CEP70: variants seen among roughly 807,000 people sequenced by gnomAD.
CEP70 encodes the protein centrosomal protein 70.
Under a neutral mutation model 90.9 loss-of-function variants are expected in CEP70, and 70 were observed. The ratio of observed to expected loss-of-function variants is 0.77; its 90% CI spans 0.64 to 0.94. The LOEUF (loss-of-function observed/expected upper bound fraction) is 0.94, where lower values mean the gene tolerates loss of function less well. Ranked by LOEUF, CEP70 falls within the 40% of genes least tolerant of loss-of-function variation. The probability of loss-of-function intolerance (pLI) is 0.00; values close to 1 mark genes in which losing one functional copy is unlikely to be tolerated. For synonymous variants in CEP70, 220 were observed against 228.3 expected (o/e 0.96, Z 0.33); for missense variants, 648 against 669.0 (o/e 0.97, Z 0.35).
At position 138,500,764 on chromosome 3, in the gene CEP70, T is replaced by C; in HGVS notation, c.1339A>G (p.Met447Val). The change falls in exon 14 of 18, where the codon ATG becomes GTG. Residue 447 changes from methionine (M) to valine (V), a missense_variant. Coordinates refer to ENST00000264982, the MANE Select transcript of CEP70 (RefSeq NM_024491.4). ...TCCTTATTTTCAACTTCTTCCAGCA[T>C]AGTATCTACTATAAACAACAAATCT... ...VEDLLFIVDT[M>V]LEEVENKEKD... 1 of 1,602,214 alleles carries C rather than the reference T, an allele frequency of 6.2e-7. No individual in the cohort carries two copies. The highest frequency in any genetic ancestry group is 8.5e-7 in the Non-Finnish European group (1 of 1,174,850).
chr3:138,559,830 T>A (rs1459653720), intron 6 of CEP70, among the ~76,000 whole-genome samples: 1 of 152,222 alleles, frequency 6.6e-6, no homozygotes, highest in Non-Finnish European at 1.5e-5. Context: ...ACAATTGAAT[T>A]CTCAGCAGAA....
chr3:138,554,239 A>G (rs1203164551), intron 6 of CEP70, among the ~76,000 whole-genome samples: 2 of 152,074 alleles, frequency 1.3e-5, no homozygotes, highest in Non-Finnish European at 2.9e-5. Flanking sequence ...TGTCATTAGA[A>G]CCCTCAGCAG....
chr3:138,557,335 C>T (rs939957483), intron 6 of CEP70, among the ~76,000 whole-genome samples: 16 of 152,016 alleles, frequency 1.1e-4, no homozygotes, highest in East Asian at 3.9e-4. Context: ...GTGCAGTTAA[C>T]GCAATCATCA....
chr3:138,539,004 CT>C (rs1313645831), intron 6 of CEP70, among the ~76,000 whole-genome samples: 1 of 152,068 alleles, frequency 6.6e-6, no homozygotes, highest in African/African-American at 2.4e-5. Context: ...TGTTAAATCT[CT>C]TTTATCATTG....
At chr3:138,582,586 A>G (rs2041920895) in intron 2 of CEP70, among the ~76,000 whole-genome samples, 1 of 151,886 alleles carries the variant, frequency 6.6e-6, no homozygotes, top group Admixed American at 6.6e-5. Flanking sequence ...CCTGGCCAAC[A>G]TAGTGAAACC....
chr3:138,553,662 C>CA (rs1193990270), intron 6 of CEP70, among the ~76,000 whole-genome samples: 9 of 151,726 alleles, frequency 5.9e-5, no homozygotes, highest in African/African-American at 1.9e-4. Context: ...AAAGATATAA[C>CA]AAAAAAAGAA....
chr3:138,591,146 CTT>C (rs35991265), intron 2 of CEP70, among the ~76,000 whole-genome samples: 1 of 152,124 alleles, frequency 6.6e-6, no homozygotes, highest in East Asian at 1.9e-4. Context: ...AAATCCAAAA[CTT>C]TTTGAGCACC....
chr3:138,511,404 G>C (rs2035526243), intron 11 of CEP70, among the ~76,000 whole-genome samples: 1 of 152,212 alleles, frequency 6.6e-6, no homozygotes, highest in Non-Finnish European at 1.5e-5. Context: ...AACAAAAAAG[G>C]ACACAGAAAA....
chr3:138,521,724 C>T (rs1174289211), intron 11 of CEP70, among the ~76,000 whole-genome samples: 11 of 150,544 alleles, frequency 7.3e-5, no homozygotes, highest in South Asian at 4.3e-4. Context: ...CCCTCTGCCC[C>T]GCCGCCATGT....
At chr3:138,554,798 T>A (rs185019839) in intron 6 of CEP70, among the ~76,000 whole-genome samples, 24 of 152,338 alleles carry the variant, frequency 1.6e-4, no homozygotes, top group Non-Finnish European at 3.2e-4. Flanking sequence ...TTCTTGTAGA[T>A]TCTGGATATT....
chr3:138,581,356 G>A (rs1426239930), intron 2 of CEP70, among the ~76,000 whole-genome samples: 1 of 151,496 alleles, frequency 6.6e-6, no homozygotes, highest in South Asian at 2.1e-4. Flanking sequence ...GCTTCAAAAG[G>A]GCAAATCTAA....
intron 2 of CEP70, among the ~76,000 whole-genome samples, chr3:138,589,712 T>C (rs1331287839): frequency 6.6e-6 from 1 of 151,862 alleles, no homozygotes; most frequent in Non-Finnish European, 1.5e-5. Flanking sequence ...AAAACCCACA[T>C]GACTTATAAG....
intron 6 of CEP70, among the ~76,000 whole-genome samples, chr3:138,560,663 C>T (rs2040340658): frequency 6.6e-6 from 1 of 152,098 alleles, no homozygotes; most frequent in African/African-American, 2.4e-5. Flanking sequence ...TGAGGTCAAC[C>T]TGGGACACTT....
chr3:138,500,197 A>T lies in CEP70; in HGVS notation c.1565T>A (p.Val522Glu). 1 of 1,612,430 alleles carries T rather than the reference A, an allele frequency of 6.2e-7. No homozygotes were observed. The highest frequency in any genetic ancestry group is 8.5e-7 in the Non-Finnish European group (1 of 1,178,404). ...CCTACAGAGTTTTCCAACAGTGCTT[A>T]CTAGCACACACAATGAGGATGAACT... ...LDSSSSLCVLVSTVGKLCRLI... is the reference protein window; with the variant it reads ...LDSSSSLCVLESTVGKLCRLI... The change falls in exon 16 of 18, where the codon GTA becomes GAA. Residue 522 changes from valine (V) to glutamate (E), a missense_variant. By Grantham distance (121) the Val-to-Glu change is moderately radical. Transcript: ENST00000264982.
intron 6 of CEP70, among the ~76,000 whole-genome samples, chr3:138,546,326 A>G (rs1243589420): frequency 6.6e-6 from 1 of 152,222 alleles, no homozygotes; most frequent in Non-Finnish European, 1.5e-5. Flanking sequence ...TATGTACCCT[A>G]AGATTTATAC....
rs190282088 is a variant in CEP70 at position 138,547,470 on chromosome 3, G to T, written c.466-10123C>A. On this transcript the variant is annotated intron_variant, in intron 6 of 17. Transcript: ENST00000264982. ...AGTTTGAGGTGTGATAACAAAACTAGCATTAATTTCTTTTTCCTTTGTCAG... is the reference window on the plus strand; with the variant it reads ...AGTTTGAGGTGTGATAACAAAACTATCATTAATTTCTTTTTCCTTTGTCAG... 6.6e-4 allele frequency among the ~76,000 whole-genome samples: 100 copies of T among 152,310 alleles called. 1 individual carries two copies. Among genetic ancestry groups the T allele is most frequent in the South Asian group, 1.4e-3 (7 of 4,828 alleles).
intron 11 of CEP70, among the ~76,000 whole-genome samples, chr3:138,521,820 G>A (rs879348625): frequency 7.9e-5 from 12 of 152,240 alleles, no homozygotes; most frequent in Non-Finnish European, 1.5e-4. Context: ...CCATGATGAC[G>A]ATGGCGGTTT....
chr3:138,520,247 C>A (rs1054350525), intron 11 of CEP70, among the ~76,000 whole-genome samples: 6 of 152,080 alleles, frequency 3.9e-5, no homozygotes, highest in Non-Finnish European at 7.4e-5. Context: ...GACTTTAACA[C>A]CCCACTGTCA....
intron 6 of CEP70, among the ~76,000 whole-genome samples, chr3:138,549,070 T>C (rs2039429567): frequency 6.6e-6 from 1 of 152,168 alleles, no homozygotes; most frequent in Admixed American, 6.5e-5. Flanking sequence ...CTGGGTCCCC[T>C]GGGAAGCCAT....
Sources: allele counts gnomAD v4.1 joint callset (sites outside exome capture counted in the v4.1 genomes callset), GRCh38; gene constraint gnomAD v4.1.1; transcripts MANE v1.5; gene names NCBI Gene and HGNC (gene_info 2026-07-23, HGNC 2026-07-21).